MROH7: variants seen among roughly 807,000 people sequenced by gnomAD.
MROH7 encodes the protein maestro heat-like repeat-containing protein family member 7.
A neutral mutation model predicts 129.2 loss-of-function variants in MROH7; 113 were observed. That is an observed-to-expected ratio of 0.87 (90% CI 0.75 to 1.02). The LOEUF (loss-of-function observed/expected upper bound fraction) is 1.02. MROH7 is among the 50% of genes least tolerant of loss of function. The pLI, the probability that MROH7 is intolerant of heterozygous loss-of-function variation, is 0.00. For synonymous variants in MROH7, 655 were observed against 667.9 expected (o/e 0.98, Z 0.30); for missense variants, 1,601 against 1,671.3 (o/e 0.96, Z 0.73).
At chr1:54,669,932 A>T (rs1024221523) in intron 5 of MROH7, among the ~76,000 whole-genome samples, 1 of 150,366 alleles carries the variant, frequency 6.7e-6, no homozygotes. Flanking sequence ...TGAGCTAGGG[A>T]GGCAGAGGTT....
In MROH7 at chr1:54,674,068, A is replaced by G. The variant is rs570218; in HGVS notation, c.1853A>G (p.His618Arg). 0.81 allele frequency: 1,300,454 copies of G among 1,613,804 alleles called. 526,869 individuals are homozygous for G. The highest frequency in any genetic ancestry group is 1 in the East Asian group (44,871 of 44,886). ...CTTCTGCTGGGGAGACTCATCCTTC[A>G]CATTGGGGATCCTGATGAGGAGATT... is the stretch of plus-strand genomic sequence containing the variant. The part of the protein sequence containing the change: ...LGLLLGRLIL[H>R]IGDPDEEIGC... The change falls in exon 10 of 24, where the codon CAC becomes CGC. Residue 618 changes from histidine (H) to arginine (R), a missense_variant. Physicochemically the swap from His to Arg is conservative, Grantham distance 29 (BLOSUM62 0). Coordinates refer to ENST00000421030, the MANE Select transcript of MROH7 (RefSeq NM_001039464.4).
chr1:54,697,945 T>C, intron 17 of MROH7: 1 of 416,324 alleles, frequency 2.4e-6, no homozygotes, highest in Non-Finnish European at 4.3e-6. Context: ...CCTGGACTCC[T>C]GACCAGCAGC....
chr1:54,670,893 G>A lies in MROH7; in HGVS notation c.1563G>A (p.Met521Ile). The A allele has an allele frequency of 6.2e-7, 1 of 1,611,312 alleles. No individual in the cohort carries two copies. Reference sequence around the variant, plus strand: ...TCTCCCTGCCCTCCGTGCAGGCGATGCAGGAGAAGGACGAGGCCAAGGCTG... The same window carrying A: ...TCTCCCTGCCCTCCGTGCAGGCGATACAGGAGAAGGACGAGGCCAAGGCTG... ...SVFSLPSVQA[M>I]QEKDEAKAET... The change falls in exon 7 of 24, where the codon ATG becomes ATA. Residue 521 changes from methionine (M) to isoleucine (I), a missense_variant. By Grantham distance (10) the Met-to-Ile change is conservative (BLOSUM62 1). Coordinates refer to ENST00000421030, the MANE Select transcript of MROH7 (RefSeq NM_001039464.4).
At chr1:54,673,213 G>GGA in intron 8 of MROH7, 27 bp downstream of exon 8, 1 of 1,557,532 alleles carries the variant, frequency 6.4e-7, no homozygotes, top group Non-Finnish European at 8.8e-7. Flanking sequence ...GGCAAGGAAG[G>GGA]GAGGGGAGGA....
At chr1:54,659,108 T>C (rs1407760995) in intron 3 of MROH7, 1 of 444,408 alleles carries the variant, frequency 2.3e-6, no homozygotes, top group Admixed American at 2.5e-5. Flanking sequence ...GTTTTGTTTT[T>C]TTTTAGATGG....
At position 54,654,108 on chromosome 1, in the gene MROH7, C is replaced by A; in HGVS notation, c.1182C>A (p.Ile394=). The change falls in exon 3 of 24, where the codon ATC becomes ATA. Residue 394 remains isoleucine (I), a synonymous_variant. Transcript: ENST00000421030. The part of the protein sequence containing the change: ...KVGQFPLGFP[I]SNPAGKDAVT... ...GCCAGTTCCCGCTGGGATTCCCCAT[C>A]TCCAACCCCGCAGGCAAGGACGCCG... The A allele has an allele frequency of 6.2e-7, 1 of 1,613,880 alleles. No homozygotes were observed. Among genetic ancestry groups the A allele is most frequent in the South Asian group, 1.1e-5 (1 of 91,008 alleles).
At chr1:54,695,625 G>T (rs1203785066) in intron 17 of MROH7, 135 bp downstream of exon 17, 17 of 718,802 alleles carry the variant, frequency 2.4e-5, no homozygotes, top group Non-Finnish European at 3.6e-5. Flanking sequence ...TCTTGACTAT[G>T]ATGATCTTGT....
intron 15 of MROH7, among the ~76,000 whole-genome samples, chr1:54,691,135 G>C (rs1645231715): frequency 6.6e-6 from 1 of 152,206 alleles, no homozygotes; most frequent in Non-Finnish European, 1.5e-5. Flanking sequence ...CTCTGAGCCT[G>C]CCTGTCTTTC....
At chr1:54,658,810 G>A (rs964435263) in intron 3 of MROH7, among the ~76,000 whole-genome samples, 23 of 152,040 alleles carry the variant, frequency 1.5e-4, no homozygotes, top group African/African-American at 5.6e-4. Flanking sequence ...TGGGGATGGG[G>A]GTGCTGTTCT....
intron 3 of MROH7, among the ~76,000 whole-genome samples, chr1:54,657,998 A>C (rs750701791): frequency 1.3e-5 from 2 of 152,142 alleles, no homozygotes; most frequent in Non-Finnish European, 2.9e-5. Context: ...CAGTGGTATT[A>C]AATATATTCA....
intron 2 of MROH7, 82 bp from the exon 3 acceptor site, chr1:54,652,771 C>T (rs1644576827): frequency 1.9e-6 from 2 of 1,030,722 alleles, no homozygotes; most frequent in South Asian, 3.6e-5. Context: ...CAGCAAGGGG[C>T]TTTCATCTTA....
chr1:54,682,621 G>A (rs1241131156), intron 13 of MROH7, 35 bp from the exon 14 acceptor site: 2 of 1,595,216 alleles, frequency 1.3e-6, no homozygotes, highest in East Asian at 2.3e-5. Context: ...CACTGCCTTG[G>A]CCACCACTAA....
chr1:54,691,786 CAAA>C (rs1199947432), intron 15 of MROH7, among the ~76,000 whole-genome samples: 55 of 65,726 alleles, frequency 8.4e-4, no homozygotes, highest in Non-Finnish European at 3.1e-4. Flanking sequence ...AGCCTGGCGA[CAAA>C]AAAAAAAAAA....
chr1:54,666,276 AC>A (rs1380845213), intron 4 of MROH7, among the ~76,000 whole-genome samples: 4 of 152,280 alleles, frequency 2.6e-5, no homozygotes, highest in African/African-American at 9.6e-5. Flanking sequence ...AAATGTACAC[AC>A]ATTTATTAAT....
intron 14 of MROH7, among the ~76,000 whole-genome samples, chr1:54,683,011 G>A (rs1484605425): frequency 2.1e-5 from 3 of 145,786 alleles, no homozygotes; most frequent in African/African-American, 7.9e-5. Flanking sequence ...TGGGATATGG[G>A]AAAAAGAGTG....
chr1:54,681,167 G>A (rs1645064390), intron 13 of MROH7, among the ~76,000 whole-genome samples: 2 of 152,278 alleles, frequency 1.3e-5, no homozygotes, highest in South Asian at 2.1e-4. Context: ...GTGAGCCTGA[G>A]AATGAGGGCT....
At chr1:54,647,741 G>GA (rs34697494) in intron 1 of MROH7, among the ~76,000 whole-genome samples, 128,552 of 141,374 alleles carry the variant, frequency 0.91, 58,965 homozygotes, top group South Asian at 0.98. Context: ...ACTCTGTATT[G>GA]AAAAAAAAAA....
At chr1:54,648,649 A>G (rs1644508602) in intron 1 of MROH7, among the ~76,000 whole-genome samples, 1 of 152,150 alleles carries the variant, frequency 6.6e-6, no homozygotes, top group Non-Finnish European at 1.5e-5. Flanking sequence ...TACAGGTGTG[A>G]GCCACTGTGC....
Position 54,673,202 on chromosome 1 carries a change from G to A in MROH7, c.1695+16G>A. On this transcript the variant is annotated intron_variant, in intron 8 of 23. Transcript: ENST00000421030. The stretch of plus-strand genomic sequence containing the variant: ...CATCTTGGAGGTGCGGAGATGGGAG[G>A]GGCAAGGAAGGGAGGGGAGGAAGGG... The A allele has an allele frequency of 6.3e-7, 1 of 1,586,854 alleles. No homozygotes were observed. Among genetic ancestry groups the A allele is most frequent in the Non-Finnish European group, 8.6e-7 (1 of 1,156,866 alleles).
Sources: allele counts gnomAD v4.1 joint callset (sites outside exome capture counted in the v4.1 genomes callset), GRCh38; gene constraint gnomAD v4.1.1; transcripts MANE v1.5; gene names NCBI Gene and HGNC (gene_info 2026-07-23, HGNC 2026-07-21).